The following ANKRD18B variants were observed in gnomAD, a reference collection of about 807,000 sequenced individuals.
ANKRD18B encodes the protein ankyrin repeat domain 18B.
A neutral mutation model predicts 111.8 loss-of-function variants in ANKRD18B; 75 were observed. The ratio of observed to expected loss-of-function variants is 0.67; its 90% CI spans 0.56 to 0.81. The LOEUF (loss-of-function observed/expected upper bound fraction) is 0.81, where lower values mean the gene tolerates loss of function less well. ANKRD18B is among the 40% of genes least tolerant of loss of function. ANKRD18B has a pLI of 0.00. For missense variants in ANKRD18B, 1,038 were observed against 1,225.5 expected, an observed-to-expected ratio of 0.85 and a Z score of 2.28; for synonymous variants, 356 against 417.3, an observed-to-expected ratio of 0.85 and a Z score of 1.79.
At chr9:33,546,073 G>C (rs1167731234) in intron 10 of ANKRD18B, among the ~76,000 whole-genome samples, 1 of 152,008 alleles carries the variant, frequency 6.6e-6, no homozygotes, top group African/African-American at 2.4e-5. Context: ...TAAGCATAAG[G>C]GAAATTGCTA....
chr9:33,528,272 G>A (rs1828055904), intron 1 of ANKRD18B, among the ~76,000 whole-genome samples: 1 of 152,216 alleles, frequency 6.6e-6, no homozygotes, highest in African/African-American at 2.4e-5. Flanking sequence ...TTGCACTCCA[G>A]CCTGGGCAAG....
chr9:33,548,818 A>G lies in ANKRD18B; in HGVS notation c.2030A>G (p.Lys677Arg). 1 of 1,509,300 alleles carries G rather than the reference A, an allele frequency of 6.6e-7. No individual in the cohort carries two copies. Among genetic ancestry groups the G allele is most frequent in the Non-Finnish European group, 8.8e-7 (1 of 1,130,226 alleles). 93.5% of individuals were successfully genotyped at this position (1,509,300 alleles called of 1,614,324 possible). A position where few individuals can be genotyped will look rare whatever the true frequency, so the allele number is the denominator to read the frequency against. Reference sequence around the variant, plus strand: ...AATGAATATAATTATTTAAAAGAAAAACTGCTTCAGTATGAAAAAGAAAAA... The same window carrying G: ...AATGAATATAATTATTTAAAAGAAAGACTGCTTCAGTATGAAAAAGAAAAA... ...LMNEYNYLKE[K>R]LLQYEKEKAE... The change falls in exon 11 of 19, where the codon AAA (lysine) becomes AGA (arginine). Residue 677 changes from lysine to arginine, a missense_variant. By Grantham distance (26) the Lys-to-Arg change is conservative. This residue lies in a region of ANKRD18B where 524 missense variants were observed against 677.9 expected (regional missense o/e 0.77). Transcript: ENST00000684830.
In ANKRD18B at chr9:33,533,011, C is replaced by G. The variant is rs545227432; in HGVS notation, c.496-428C>G. On this transcript the variant is annotated intron_variant, in intron 3 of 18. Transcript: ENST00000684830. ...TTGAAATATAGTTTAAGAAACACTT[C>G]TCTAGAGGTAATAATTTAGATCATT... Among the ~76,000 whole-genome samples, 958 of 152,222 alleles carry G rather than the reference C, an allele frequency of 6.3e-3. 9 individuals carry two copies. Among genetic ancestry groups the G allele is most frequent in the African/African-American group, 0.021 (890 of 41,536 alleles).
intron 13 of ANKRD18B, 84 bp from the exon 14 acceptor site, chr9:33,557,974 T>C (rs942789343): frequency 9.7e-6 from 12 of 1,241,028 alleles, no homozygotes; most frequent in Middle Eastern, 2.8e-4. Context: ...TTCTTTGATA[T>C]GCCATAACAT....
chr9:33,567,023 T>C, intron 15 of ANKRD18B, 80 bp from the exon 16 acceptor site: 4 of 1,394,558 alleles, frequency 2.9e-6, no homozygotes, highest in East Asian at 5.1e-5. Context: ...TTTGAATCAC[T>C]GATTCAAAAT....
Position 33,543,173 on chromosome 9 carries a change from A to G in ANKRD18B, c.1079-12A>G. 2 of 1,547,440 alleles carry G rather than the reference A, an allele frequency of 1.3e-6. No homozygotes were observed. Among genetic ancestry groups the G allele is most frequent in the Non-Finnish European group, 8.7e-7 (1 of 1,144,494 alleles). On this transcript the variant is annotated splice_polypyrimidine_tract_variant and intron_variant, in intron 9 of 18. Transcript: ENST00000684830. ...TCATTCATTTTAACTAAACATATGG[A>G]TTTGTCAGCAGAACACAACTTAAAA...
intron 14 of ANKRD18B, among the ~76,000 whole-genome samples, 177 bp downstream of exon 14, chr9:33,558,364 A>G (rs904875940): frequency 2.6e-5 from 4 of 151,944 alleles, no homozygotes; most frequent in African/African-American, 9.7e-5. Context: ...TCCTGACCCC[A>G]ACAAGCCCCA....
chr9:33,545,082 G>A (rs1587265256), intron 10 of ANKRD18B, among the ~76,000 whole-genome samples: 1 of 152,074 alleles, frequency 6.6e-6, no homozygotes, highest in South Asian at 2.1e-4. Context: ...TCTCACTCAG[G>A]TCTTATCGTT....
chr9:33,537,356 AAT>A (rs1432138448), intron 6 of ANKRD18B, among the ~76,000 whole-genome samples: 4 of 152,106 alleles, frequency 2.6e-5, no homozygotes, highest in African/African-American at 4.8e-5. Context: ...AGTTTAAAAA[AAT>A]ATGTTTATAT....
chr9:33,553,549 G>C (rs886169417), intron 12 of ANKRD18B, among the ~76,000 whole-genome samples: 1 of 152,108 alleles, frequency 6.6e-6, no homozygotes, highest in Non-Finnish European at 1.5e-5. Context: ...CTAAGCAGGA[G>C]ACTACCTGGA....
chr9:33,561,923 T>A (rs1415696429), intron 14 of ANKRD18B, among the ~76,000 whole-genome samples: 1 of 152,160 alleles, frequency 6.6e-6, no homozygotes, highest in Non-Finnish European at 1.5e-5. Context: ...CTGAGAAAAT[T>A]TTTTCAATCA....
At chr9:33,526,434 T>C (rs572568381) in intron 1 of ANKRD18B, among the ~76,000 whole-genome samples, 15 of 152,072 alleles carry the variant, frequency 9.9e-5, no homozygotes, top group African/African-American at 3.4e-4. Flanking sequence ...AAACATACTA[T>C]GGTCTTGTGT....
At chr9:33,570,712 A>C (rs1483304826) in intron 17 of ANKRD18B, among the ~76,000 whole-genome samples, 1 of 148,928 alleles carries the variant, frequency 6.7e-6, no homozygotes, top group African/African-American at 2.5e-5. Context: ...ATCTCGGCTC[A>C]CTGCAACCTC....
chr9:33,543,249 G>A lies in ANKRD18B; in HGVS notation c.1143G>A (p.Gln381=), dbSNP rs1374556142. The change falls in exon 10 of 19, where the codon CAG becomes CAA. Residue 381 remains glutamine, a synonymous_variant. Transcript: ENST00000684830. Reference sequence around the variant, plus strand: ...GGCTTGAAAGAAGTGAAAATAAACAGCCGCAGGTATATAACAATTTAAATT... The same window carrying A: ...GGCTTGAAAGAAGTGAAAATAAACAACCGCAGGTATATAACAATTTAAATT... ...QERLERSENK[Q]PQDSQSYGKK... is the part of the protein sequence containing the mutation. 2 of 1,549,774 alleles carry A rather than the reference G, an allele frequency of 1.3e-6. No individual in the cohort carries two copies. Among genetic ancestry groups the A allele is most frequent in the Non-Finnish European group, 1.7e-6 (2 of 1,145,808 alleles).
downstream of ANKRD18B, among the ~76,000 whole-genome samples, chr9:33,574,947 TGGC>T (rs1828839821): frequency 1.3e-5 from 2 of 152,070 alleles, no homozygotes; most frequent in Admixed American, 6.5e-5. Context: ...TCTCTGTGAG[TGGC>T]TCTGCGTGAA....
chr9:33,547,595 C>A (rs1298096807), intron 10 of ANKRD18B, among the ~76,000 whole-genome samples: 1 of 151,720 alleles, frequency 6.6e-6, no homozygotes, highest in Non-Finnish European at 1.5e-5. Context: ...TTAATTTAGT[C>A]AAATTTTTAA....
intron 3 of ANKRD18B, among the ~76,000 whole-genome samples, chr9:33,530,784 G>A (rs927846916): frequency 1.1e-4 from 17 of 152,318 alleles, no homozygotes; most frequent in Non-Finnish European, 1.8e-4. Flanking sequence ...CTTACAGAAT[G>A]ACACTTTTTG....
At chr9:33,555,421 T>A (rs1308333880) in intron 12 of ANKRD18B, among the ~76,000 whole-genome samples, 2 of 152,370 alleles carry the variant, frequency 1.3e-5, no homozygotes, top group South Asian at 2.1e-4. Context: ...CTACTCTTAA[T>A]TCATCTTACT....
At position 33,570,672 on chromosome 9, in the gene ANKRD18B, T is replaced by C. The variant is rs190373804; in HGVS notation, c.3178-574T>C. On this transcript the variant is annotated intron_variant, in intron 17 of 18. Coordinates refer to ENST00000684830, the MANE Select transcript of ANKRD18B (RefSeq NM_001393611.1). The stretch of plus-strand genomic sequence containing the variant: ...TTTTTTTTTTGAGATGGAGTTTCGC[T>C]CTGTCACTAGGCTGGAGTGCCGTGG... Among the ~76,000 whole-genome samples, 176 of 149,972 alleles carry C rather than the reference T, an allele frequency of 1.2e-3. 2 individuals carry two copies. Among genetic ancestry groups the C allele is most frequent in the African/African-American group, 3.9e-3 (158 of 40,730 alleles).
Sources: allele counts gnomAD v4.1 joint callset (sites outside exome capture counted in the v4.1 genomes callset), GRCh38; gene constraint gnomAD v4.1.1; regional missense constraint gnomAD v4.1.1; transcripts MANE v1.5; gene names NCBI Gene and HGNC (gene_info 2026-07-23, HGNC 2026-07-21).